Variants in CSMD1 observed in about 807,000 individuals in gnomAD.
CSMD1 encodes CUB and Sushi multiple domains 1, also known as CUB and sushi domain-containing protein 1.
A neutral mutation model predicts 417.5 loss-of-function variants in CSMD1; 213 were observed. The observed-to-expected ratio is 0.51, with a 90% CI of 0.46 to 0.57. CSMD1 has a LOEUF of 0.57. Ranked by LOEUF, CSMD1 falls within the 20% of genes least tolerant of loss-of-function variation. The pLI, the probability that CSMD1 is intolerant of heterozygous loss-of-function variation, is 0.00. For missense variants in CSMD1, 6,923 were observed against 4,529.7 expected, an observed-to-expected ratio of 1.53 and a Z score of -15.17; for synonymous variants, 2,862 against 1,736.8, an observed-to-expected ratio of 1.65 and a Z score of -16.11.
chr8:3,830,687 A>G (rs1802326822), intron 5 of CSMD1, among the ~76,000 whole-genome samples: 1 of 152,200 alleles, frequency 6.6e-6, no homozygotes, highest in South Asian at 2.1e-4. Flanking sequence ...AGAGAGAAAA[A>G]AAATGCCCCA....
intron 10 of CSMD1, among the ~76,000 whole-genome samples, chr8:3,510,455 C>T (rs964375234): frequency 8.6e-5 from 13 of 151,788 alleles, no homozygotes; most frequent in Admixed American, 8.5e-4. Flanking sequence ...TCAGCCCAGT[C>T]CCCTCACCCT....
chr8:4,811,184 T>G (rs1473810972), intron 1 of CSMD1, among the ~76,000 whole-genome samples: 1 of 152,180 alleles, frequency 6.6e-6, no homozygotes, highest in Non-Finnish European at 1.5e-5. Flanking sequence ...TTCATTAATT[T>G]CTCCTCATTT....
intron 2 of CSMD1, among the ~76,000 whole-genome samples, chr8:4,523,417 T>A (rs1803586692): frequency 6.6e-6 from 1 of 152,206 alleles, no homozygotes; most frequent in Non-Finnish European, 1.5e-5. Context: ...ACTTTTGTAT[T>A]AAGTACACTG....
intron 10 of CSMD1, among the ~76,000 whole-genome samples, chr8:3,496,565 A>G (rs1563093882): frequency 2.0e-5 from 3 of 152,020 alleles, no homozygotes; most frequent in African/African-American, 7.2e-5. Context: ...TTGTATTTCT[A>G]TTTTCATTTC....
intron 3 of CSMD1, among the ~76,000 whole-genome samples, chr8:4,143,170 G>T (rs1803896062): frequency 6.6e-6 from 1 of 151,104 alleles, no homozygotes; most frequent in Non-Finnish European, 1.5e-5. Flanking sequence ...AAATGTGAGT[G>T]TTCAAAACAG....
chr8:4,313,507 G>GA (rs34466873), intron 3 of CSMD1, among the ~76,000 whole-genome samples: 103,267 of 136,702 alleles, frequency 0.76, 39,422 homozygotes, highest in Admixed American at 0.84. Flanking sequence ...ATGTCAAAAT[G>GA]AAAAAAAAAA....
chr8:3,141,747 C>T (rs1396372201), intron 41 of CSMD1, among the ~76,000 whole-genome samples: 1 of 151,932 alleles, frequency 6.6e-6, no homozygotes, highest in Non-Finnish European at 1.5e-5. Context: ...ATTCCATCTC[C>T]AACCTGACCA....
chr8:3,183,900 T>G (rs185749665), intron 36 of CSMD1, among the ~76,000 whole-genome samples: 1 of 152,338 alleles, frequency 6.6e-6, no homozygotes, highest in Non-Finnish European at 1.5e-5. Context: ...TAACCAGAAT[T>G]AGTGCAATAA....
At chr8:3,800,071 G>C (rs1800374140) in intron 5 of CSMD1, among the ~76,000 whole-genome samples, 2 of 152,076 alleles carry the variant, frequency 1.3e-5, no homozygotes, top group African/African-American at 2.4e-5. Flanking sequence ...AAAAACATTT[G>C]CAGTTGATGC....
intron 26 of CSMD1, among the ~76,000 whole-genome samples, chr8:3,270,932 TTTA>T (rs1019895172): frequency 2.5e-4 from 20 of 81,602 alleles, no homozygotes; most frequent in South Asian, 8.5e-4. Flanking sequence ...TAATTTTTTA[TTTA>T]TTATTATTAT....
chr8:3,604,958 T>G (rs1460614475), intron 8 of CSMD1, among the ~76,000 whole-genome samples: 1 of 152,204 alleles, frequency 6.6e-6, no homozygotes, highest in South Asian at 2.1e-4. Flanking sequence ...TTTCCCTCAT[T>G]TCTTCATCAT....
intron 1 of CSMD1, among the ~76,000 whole-genome samples, chr8:4,824,316 G>A (rs1653247945): frequency 6.6e-6 from 1 of 152,010 alleles, no homozygotes; most frequent in South Asian, 2.1e-4. Flanking sequence ...ATAATACTTT[G>A]TGTTATTTGG....
intron 3 of CSMD1, among the ~76,000 whole-genome samples, chr8:4,321,155 A>G (rs1799252289): frequency 6.6e-6 from 1 of 151,888 alleles, no homozygotes; most frequent in Non-Finnish European, 1.5e-5. Context: ...CCTATTTTTT[A>G]TCCTGTCACC....
chr8:4,843,059 T>C (rs1474226527), intron 1 of CSMD1, among the ~76,000 whole-genome samples: 3 of 152,174 alleles, frequency 2.0e-5, no homozygotes, highest in African/African-American at 7.2e-5. Context: ...AGATGCTAAT[T>C]TACTCTCTTA....
chr8:2,997,858 T>C (rs983679067), intron 54 of CSMD1, among the ~76,000 whole-genome samples, 153 bp downstream of exon 54: 1 of 152,226 alleles, frequency 6.6e-6, no homozygotes, highest in African/African-American at 2.4e-5. Context: ...GCTTTGTGCT[T>C]ACTCTCAGAA....
chr8:4,033,265 C>G lies in CSMD1; in HGVS notation c.416-1166G>C, dbSNP rs1171330094. ...ACCATCCTGGCTAACACGGTGAAAC[C>G]CTGTCTCTACTAAAAATACAAAAAA... On this transcript the variant is annotated intron_variant, in intron 3 of 69. Coordinates refer to ENST00000635120, the MANE Select transcript of CSMD1 (RefSeq NM_033225.6). Among the ~76,000 whole-genome samples the G allele has an allele frequency of 5.3e-5, 8 of 151,652 alleles. No homozygotes were observed. In the East Asian group the frequency reaches 1.6e-3, roughly 29 times the overall value.
intron 1 of CSMD1, among the ~76,000 whole-genome samples, chr8:4,904,565 A>G (rs578073247): frequency 6.6e-6 from 1 of 152,268 alleles, no homozygotes; most frequent in African/African-American, 2.4e-5. Context: ...GCCACAGAAT[A>G]TCATTAAACA....
chr8:4,172,833 G>A lies in CSMD1; in HGVS notation c.416-140734C>T, dbSNP rs146274662. Among the ~76,000 whole-genome samples the A allele has an allele frequency of 2.6e-4, 39 of 152,192 alleles. 1 individual carries two copies. Among genetic ancestry groups the A allele is most frequent in the East Asian group, 7.7e-4 (4 of 5,172 alleles). On this transcript the variant is annotated intron_variant, in intron 3 of 69. Transcript: ENST00000635120. ...AGCCCCTGGATATGTCCATATGGAA[G>A]GGACTGAGGGCTGTCCACAGCCGTG...
chr8:4,233,657 A>G (rs1408879653), intron 3 of CSMD1, among the ~76,000 whole-genome samples: 1 of 152,158 alleles, frequency 6.6e-6, no homozygotes, highest in African/African-American at 2.4e-5. Context: ...TGTGAGAAGC[A>G]AATTTCTGTG....
Sources: gnomAD v4.1 joint callset for allele counts (sites outside exome capture counted in the v4.1 genomes callset) on GRCh38, gnomAD v4.1.1 for gene constraint, MANE v1.5 for transcripts, NCBI Gene and HGNC (gene_info 2026-07-23, HGNC 2026-07-21) for gene names.